Variants in PKNOX2 observed in about 807,000 individuals in gnomAD.
PKNOX2 encodes PBX/knotted 1 homeobox 2.
A neutral mutation model predicts 53.1 loss-of-function variants in PKNOX2; 14 were observed. That is an observed-to-expected ratio of 0.26 (90% confidence interval 0.17 to 0.41). The LOEUF (loss-of-function observed/expected upper bound fraction) is 0.41, where lower values mean the gene tolerates loss of function less well. Ranked by LOEUF, PKNOX2 falls within the 10% of genes least tolerant of loss-of-function variation. The probability of loss-of-function intolerance (pLI) is 1.00; values close to 1 mark genes in which losing one functional copy is unlikely to be tolerated. For missense variants in PKNOX2, 496 were observed against 602.8 expected (o/e 0.82, Z 1.85); for synonymous variants, 257 against 242.8 (o/e 1.06, Z -0.54).
At chr11:125,373,223 A>G (rs1368185424) in intron 5 of PKNOX2, among the ~76,000 whole-genome samples, 1 of 152,238 alleles carries the variant, frequency 6.6e-6, no homozygotes, top group African/African-American at 2.4e-5. Flanking sequence ...TCAACTATCA[A>G]AAAGAAAAAT....
At chr11:125,419,001 C>T (rs749779851) in intron 10 of PKNOX2, among the ~76,000 whole-genome samples, 6 of 151,914 alleles carry the variant, frequency 3.9e-5, no homozygotes, top group Admixed American at 6.5e-5. Context: ...TGGTCCCCCA[C>T]GGACACTGGA....
chr11:125,329,980 G>A lies in PKNOX2; in HGVS notation c.-129-1839G>A, dbSNP rs140881811. Among the ~76,000 whole-genome samples the A allele has an allele frequency of 2.3e-3, 353 of 152,318 alleles. 1 individual carries two copies. The highest frequency in any genetic ancestry group is 8.3e-3 in the African/African-American group (344 of 41,566). ...CCCATCACAGGTGTGAGGCACTCAC[G>A]GCTGTGTCGGCAGTGCCTGGCATGG... On this transcript the variant is annotated intron_variant, in intron 2 of 12. Coordinates refer to ENST00000298282, the MANE Select transcript of PKNOX2 (RefSeq NM_001382323.2).
At chr11:125,384,907 A>T (rs1953517355) in intron 5 of PKNOX2, among the ~76,000 whole-genome samples, 1 of 152,176 alleles carries the variant, frequency 6.6e-6, no homozygotes, top group Non-Finnish European at 1.5e-5. Context: ...ACAGTGAGCA[A>T]ATGATTTGCA....
chr11:125,308,592 G>A (rs1029493732), intron 2 of PKNOX2, among the ~76,000 whole-genome samples: 10 of 152,178 alleles, frequency 6.6e-5, no homozygotes, highest in East Asian at 3.9e-4. Context: ...CACAGGACTC[G>A]GGGGAGGCTT....
intron 4 of PKNOX2, among the ~76,000 whole-genome samples, chr11:125,363,433 A>G (rs1404709051): frequency 6.6e-6 from 1 of 152,242 alleles, no homozygotes; most frequent in Non-Finnish European, 1.5e-5. Context: ...GTAGCTAATA[A>G]TTGGCAGAGG....
At chr11:125,361,941 A>C (rs1951947344) in intron 4 of PKNOX2, among the ~76,000 whole-genome samples, 1 of 152,224 alleles carries the variant, frequency 6.6e-6, no homozygotes, top group Non-Finnish European at 1.5e-5. Context: ...CCCAGCAGTG[A>C]GCCACCTTCG....
chr11:125,411,696 G>T, intron 9 of PKNOX2, 50 bp from the exon 10 acceptor site: 1 of 1,612,574 alleles, frequency 6.2e-7, no homozygotes, highest in Non-Finnish European at 8.5e-7. Flanking sequence ...GTCCCCAGCC[G>T]CTGCCCTCAC....
chr11:125,218,483 C>G lies in PKNOX2; in HGVS notation c.-200-16562C>G, dbSNP rs112487980. Among the ~76,000 whole-genome samples the G allele has an allele frequency of 9.5e-3, 1,442 of 152,096 alleles. 20 individuals carry two copies. Among genetic ancestry groups the G allele is most frequent in the African/African-American group, 0.033 (1,348 of 41,464 alleles). ...AGAATAGACCGTCCTGGGAATTAGA[C>G]AGCAGAAAGAAGAAAAGGGAGCTCA... On this transcript the variant is annotated intron_variant, in intron 1 of 12. Transcript: ENST00000298282.
At chr11:125,411,655 G>C in intron 9 of PKNOX2, 91 bp from the exon 10 acceptor site, 1 of 1,603,290 alleles carries the variant, frequency 6.2e-7, no homozygotes, top group Non-Finnish European at 8.5e-7. Context: ...AAAGGGGCTG[G>C]CAGCCAAGCC....
chr11:125,214,311 G>A (rs1358957067), intron 1 of PKNOX2, among the ~76,000 whole-genome samples: 3 of 151,974 alleles, frequency 2.0e-5, no homozygotes, highest in Admixed American at 2.0e-4. Context: ...GTTCCTCAGA[G>A]CTGGCATTTC....
chr11:125,195,883 G>GCACACACACACA lies in PKNOX2; in HGVS notation c.-201+31136_-201+31147dup, dbSNP rs56021315. Among the ~76,000 whole-genome samples, 134 of 143,910 alleles carry GCACACACACACA rather than the reference G, an allele frequency of 9.3e-4. 1 individual carries two copies. Among genetic ancestry groups the GCACACACACACA allele is most frequent in the Admixed American group, 2.8e-3 (40 of 14,356 alleles). 94.4% of individuals were successfully genotyped at this position (143,910 alleles called of 152,430 possible). On this transcript the variant is annotated intron_variant, in intron 1 of 12. Transcript: ENST00000298282. ...ATTCTCTCCCAAGGAATATGTACAT[G>GCACACACACACA]CACACACACACACACACACACACAC...
chr11:125,261,145 C>T (rs781407420), intron 2 of PKNOX2, among the ~76,000 whole-genome samples: 41 of 152,220 alleles, frequency 2.7e-4, no homozygotes, highest in African/African-American at 7.2e-4. Context: ...CGATTTGGAT[C>T]GTGGGTCCTG....
chr11:125,403,980 A>G (rs191250471), intron 7 of PKNOX2, among the ~76,000 whole-genome samples: 121 of 152,254 alleles, frequency 7.9e-4, no homozygotes, highest in Non-Finnish European at 1.5e-3. Context: ...ATTGACCTCT[A>G]AGGAATTTTG....
At chr11:125,206,894 C>T (rs1215198248) in intron 1 of PKNOX2, among the ~76,000 whole-genome samples, 1 of 151,886 alleles carries the variant, frequency 6.6e-6, no homozygotes, top group East Asian at 1.9e-4. Context: ...TGGGCAAGAC[C>T]AGGAAACCAG....
intron 5 of PKNOX2, among the ~76,000 whole-genome samples, chr11:125,382,133 G>A (rs1270603417): frequency 6.6e-6 from 1 of 152,212 alleles, no homozygotes; most frequent in Non-Finnish European, 1.5e-5. Flanking sequence ...AAACAGCACA[G>A]AGAACATGCA....
At chr11:125,180,202 G>A (rs757433319) in intron 1 of PKNOX2, among the ~76,000 whole-genome samples, 4 of 152,160 alleles carry the variant, frequency 2.6e-5, no homozygotes, top group Non-Finnish European at 5.9e-5. Flanking sequence ...TCTCAATGAG[G>A]CTTTCCTCAT....
intron 10 of PKNOX2, among the ~76,000 whole-genome samples, chr11:125,420,884 T>A (rs1215043029): frequency 6.6e-6 from 1 of 151,812 alleles, no homozygotes; most frequent in East Asian, 1.9e-4. Flanking sequence ...AATCATGGAG[T>A]CTTCCCCAGC....
intron 2 of PKNOX2, among the ~76,000 whole-genome samples, chr11:125,312,713 G>T (rs751054248): frequency 5.3e-5 from 8 of 152,154 alleles, no homozygotes; most frequent in Non-Finnish European, 1.0e-4. Flanking sequence ...TGGAGGAGAC[G>T]CACGTGCCCA....
rs144458172 is a variant in PKNOX2 at position 125,191,739 on chromosome 11, C to T, written c.-201+26963C>T. Among the ~76,000 whole-genome samples the T allele has an allele frequency of 5.2e-3, 799 of 152,242 alleles. 6 individuals are homozygous for T. The highest frequency in any genetic ancestry group is 0.018 in the African/African-American group (730 of 41,538). ...GATGAGGACATTGGAAATGCCTTCT[C>T]AGAGGTGGCCGGGACGTACTTGCTT... On this transcript the variant is annotated intron_variant, in intron 1 of 12. Coordinates refer to ENST00000298282, the MANE Select transcript of PKNOX2 (RefSeq NM_001382323.2).
Sources: gnomAD v4.1 joint callset for allele counts (sites outside exome capture counted in the v4.1 genomes callset) on GRCh38, gnomAD v4.1.1 for gene constraint, MANE v1.5 for transcripts, NCBI Gene and HGNC (gene_info 2026-07-23, HGNC 2026-07-21) for gene names.